Variants in CACNA1B observed in about 807,000 individuals in gnomAD.
CACNA1B encodes the protein calcium voltage-gated channel subunit alpha1 B, also known as voltage-dependent N-type calcium channel subunit alpha-1B.
CACNA1B carries 70 observed loss-of-function variants against 247.2 expected under a neutral mutation model. That is an observed-to-expected ratio of 0.28 (90% CI 0.23 to 0.35). The LOEUF is 0.35. Ranked by LOEUF, CACNA1B falls within the 10% of genes least tolerant of loss-of-function variation. The pLI is 1.00. For missense variants in CACNA1B, 2,367 were observed against 3,197.4 expected (o/e 0.74, Z 6.26); for synonymous variants, 1,231 against 1,294.4 (o/e 0.95, Z 1.05).
Position 138,054,146 on chromosome 9 carries a change from C to A in CACNA1B, c.3968+140C>A. On this transcript the variant is annotated intron_variant, in intron 26 of 46. Transcript: ENST00000371372. This position sits in a 1 kb window ranked among gnomAD's most constrained non-coding sequence, Gnocchi z 4.6. ...AGCATCACGGACCCTGCCTGAGGGC[C>A]GAGGAGGGGCTTGCTTGAGAAGGGC... 1 of 761,254 alleles carries A rather than the reference C, an allele frequency of 1.3e-6. No individual in the cohort carries two copies. The highest frequency in any genetic ancestry group is 2.2e-6 in the Non-Finnish European group (1 of 456,502). The allele number at this position is 761,254 out of a possible 1,614,324, so 47.2% of individuals were successfully genotyped here.
intron 36 of CACNA1B, among the ~76,000 whole-genome samples, chr9:138,085,253 G>T (rs1054849899): frequency 2.7e-5 from 4 of 150,662 alleles, no homozygotes; most frequent in African/African-American, 4.9e-5. Context: ...ACTAACAATA[G>T]AGAGCTTCAG....
intron 40 of CACNA1B, among the ~76,000 whole-genome samples, chr9:138,113,420 A>T (rs2739255): frequency 1.6e-5 from 1 of 62,482 alleles, no homozygotes; most frequent in South Asian, 5.9e-4. Context: ...ACGTGAGGGA[A>T]CACAATGAGG....
chr9:137,882,931 T>C lies in CACNA1B; in HGVS notation c.530+48T>C, dbSNP rs767462125. The C allele has an allele frequency of 9.5e-6, 15 of 1,571,154 alleles. No homozygotes were observed. The highest frequency in any genetic ancestry group is 7.9e-6 in the Non-Finnish European group (9 of 1,145,476). On this transcript the variant is annotated intron_variant, in intron 3 of 46. Transcript: ENST00000371372. This position sits in a 1 kb window ranked among gnomAD's most constrained non-coding sequence, Gnocchi z 4.0. The stretch of plus-strand genomic sequence containing the variant: ...GCCCAGCGTGTGAGGCCCGGGCGTG[T>C]GCTCTCTGAAGCTCAGTTGCGCCGT...
At chr9:137,915,817 A>T (rs1382590119) in intron 5 of CACNA1B, among the ~76,000 whole-genome samples, 1 of 151,748 alleles carries the variant, frequency 6.6e-6, no homozygotes, top group Admixed American at 6.6e-5. Context: ...AGAAAAAGAA[A>T]AAGTTAAAAA....
chr9:138,044,001 T>C (rs918985944), intron 21 of CACNA1B, 101 bp downstream of exon 21: 12 of 1,444,246 alleles, frequency 8.3e-6, no homozygotes, highest in East Asian at 2.3e-5. Context: ...TGCGCACTTA[T>C]GTAGAGAAAC....
At chr9:138,097,022 C>T (rs576609472) in intron 37 of CACNA1B, among the ~76,000 whole-genome samples, 61 of 151,708 alleles carry the variant, frequency 4.0e-4, no homozygotes, top group African/African-American at 1.3e-3. Context: ...ACAGCCATAG[C>T]GTCCTTGTGA....
chr9:137,904,540 A>AC (rs1564882990), intron 3 of CACNA1B, among the ~76,000 whole-genome samples: 1 of 148,252 alleles, frequency 6.7e-6, no homozygotes, highest in Non-Finnish European at 1.5e-5. Flanking sequence ...AATTAAAAAA[A>AC]TTTTTTTTTT....
chr9:138,115,470 A>G (rs973733051), intron 41 of CACNA1B, 82 bp from the exon 42 acceptor site: 95 of 1,456,288 alleles, frequency 6.5e-5, no homozygotes, highest in Non-Finnish European at 8.5e-5. Context: ...CTTTTGCCCC[A>G]TGCCACATGG....
At chr9:137,940,636 A>G (rs960346097) in intron 6 of CACNA1B, among the ~76,000 whole-genome samples, 4 of 152,192 alleles carry the variant, frequency 2.6e-5, no homozygotes, top group African/African-American at 9.6e-5. Context: ...ACAAACCAAT[A>G]TCCCTGATGA....
chr9:138,060,560 C>T (rs753006648), intron 31 of CACNA1B, among the ~76,000 whole-genome samples: 9 of 152,198 alleles, frequency 5.9e-5, no homozygotes, highest in Non-Finnish European at 1.2e-4. Context: ...GGAGCTGCAA[C>T]GTGTTTGCCT....
chr9:138,090,871 C>T (rs555872722), intron 36 of CACNA1B, among the ~76,000 whole-genome samples: 1 of 152,028 alleles, frequency 6.6e-6, no homozygotes, highest in Admixed American at 6.5e-5. Context: ...AGTGAGATAC[C>T]ATCTCACCCC....
At chr9:138,029,359 T>C (rs554915528) in intron 20 of CACNA1B, among the ~76,000 whole-genome samples, 2 of 152,326 alleles carry the variant, frequency 1.3e-5, no homozygotes, top group South Asian at 4.1e-4. Context: ...TGATGTCTGG[T>C]CTCTTTTTGT....
intron 36 of CACNA1B, among the ~76,000 whole-genome samples, chr9:138,082,875 C>A (rs1392719578): frequency 6.6e-6 from 1 of 150,860 alleles, no homozygotes; most frequent in Non-Finnish European, 1.5e-5. Context: ...CACTGGTGAG[C>A]ACAGAAACTT....
Position 138,043,821 on chromosome 9 carries a change from G to A in CACNA1B, c.3334G>A (p.Glu1112Lys), listed in dbSNP as rs1320427035. Residue 1112 changes from glutamate (E) to lysine (K), a missense_variant, in exon 21 of 47, where the codon GAA becomes AAA. Transcript: ENST00000371372. ...ESQAEGKKEV[E>K]ADDVMRSGPR... ...CCAAGCAGAGGGGAAGAAGGAGGTG[G>A]AAGCGGATGACGTGATGAGGAGCGG... 4 of 1,613,868 alleles carry A rather than the reference G, an allele frequency of 2.5e-6. No individual in the cohort carries two copies. Among genetic ancestry groups the A allele is most frequent in the Non-Finnish European group, 3.4e-6 (4 of 1,179,888 alleles).
At chr9:138,093,110 A>G (rs928428920) in intron 36 of CACNA1B, among the ~76,000 whole-genome samples, 2 of 152,178 alleles carry the variant, frequency 1.3e-5, no homozygotes, top group African/African-American at 4.8e-5. Flanking sequence ...TTACTAAAGA[A>G]AAAAAGATAG....
At position 138,096,499 on chromosome 9, in the gene CACNA1B, G is replaced by C; in HGVS notation, c.5110G>C (p.Val1704Leu). The C allele has an allele frequency of 6.2e-7, 1 of 1,613,520 alleles. No individual in the cohort carries two copies. Among genetic ancestry groups the C allele is most frequent in the Non-Finnish European group, 8.5e-7 (1 of 1,179,628 alleles). ...LCSFLMLNLF[V>L]AVIMDNFEYL... ...TGTCCTGCAGATGTTGAACCTCTTT[G>C]TGGCTGTGATCATGGACAATTTTGA... The change falls in exon 37 of 47, where the codon GTG (valine) becomes CTG (leucine). Residue 1704 changes from valine (V) to leucine (L), a missense_variant. Around this residue, in one of 12 missense-constraint regions of CACNA1B, gnomAD observed 1 missense variants for 20.4 expected, o/e 0.05. Transcript: ENST00000371372.
rs751457815 is a variant in CACNA1B, at chr9:138,118,025, C to T, written c.5857C>T (p.Pro1953Ser). Residue 1953 changes from proline (P) to serine (S), a missense_variant, in exon 43 of 47, where the codon CCA (proline) becomes TCA (serine). Coordinates refer to ENST00000371372, the MANE Select transcript of CACNA1B (RefSeq NM_000718.4). ...RTQDAPHEAR[P>S]PLERGHSTEI... ...CCAGGATGCACCCCATGAGGCCAGG[C>T]CACCCCTGGAGCGTGGCCACTCCAC... The T allele has an allele frequency of 1.2e-6, 2 of 1,600,708 alleles. No homozygotes were observed. The highest frequency in any genetic ancestry group is 1.7e-6 in the Non-Finnish European group (2 of 1,173,686).
intron 35 of CACNA1B, 68 bp downstream of exon 35, chr9:138,075,978 G>T: frequency 9.4e-7 from 1 of 1,065,294 alleles, no homozygotes; most frequent in Non-Finnish European, 1.4e-6. Context: ...TCAGGATGAA[G>T]AAGGCTGGGT....
In CACNA1B at chr9:138,073,446, C is replaced by T. The variant is rs200292891; in HGVS notation, c.4675-42C>T. 7.2e-5 allele frequency: 93 copies of T among 1,291,308 alleles called. 1 individual carries two copies. The highest frequency in any genetic ancestry group is 5.7e-4 in the Admixed American group (34 of 59,314). 80.0% of individuals were successfully genotyped at this position (1,291,308 alleles called of 1,614,324 possible). On this transcript the variant is annotated intron_variant, in intron 32 of 46. Coordinates refer to ENST00000371372, the MANE Select transcript of CACNA1B (RefSeq NM_000718.4). The surrounding 1 kb of genome is among the most constrained non-coding windows in gnomAD (Gnocchi z 6.4). ...GGTGGCAGCAGCTTGCCTGCGCTTT[C>T]GGGGCTTCTGAAGGTCAGAGAACAA...
Sources: gnomAD v4.1 joint callset for allele counts (sites outside exome capture counted in the v4.1 genomes callset) on GRCh38, gnomAD v4.1.1 for gene constraint, gnomAD v4.1.1 regional missense constraint, Gnocchi (gnomAD v3.1) non-coding constraint, MANE v1.5 for transcripts, NCBI Gene and HGNC (gene_info 2026-07-23, HGNC 2026-07-21) for gene names.